The following FBXL4 variants were observed in gnomAD, a reference collection of about 807,000 sequenced individuals.
The protein encoded by FBXL4 is F-box/LRR-repeat protein 4.
A neutral mutation model predicts 58.9 loss-of-function variants in FBXL4; 40 were observed. The ratio of observed to expected loss-of-function variants is 0.68; its 90% CI spans 0.53 to 0.88. The LOEUF (loss-of-function observed/expected upper bound fraction) is 0.88. Among genes scored for constraint, FBXL4 ranks in the 40% least tolerant of loss-of-function variants. The pLI, the probability that FBXL4 is intolerant of heterozygous loss-of-function variation, is 0.00. For missense variants in FBXL4, 676 were observed against 734.4 expected (o/e 0.92, Z 0.92); for synonymous variants, 263 against 265.5 (o/e 0.99, Z 0.09).
At chr6:98,898,238 C>G in intron 7 of FBXL4, 24 of 960,304 alleles carry the variant, frequency 2.5e-5, no homozygotes, top group Non-Finnish European at 2.8e-5. Context: ...TGAGCTGGGA[C>G]CAGGTCAGAA....
chr6:98,922,366 T>C (rs941826298), intron 4 of FBXL4, among the ~76,000 whole-genome samples: 5 of 152,214 alleles, frequency 3.3e-5, no homozygotes, highest in African/African-American at 4.8e-5. Flanking sequence ...GGTTTTAAAT[T>C]TTAAATGTTC....
intron 4 of FBXL4, among the ~76,000 whole-genome samples, 175 bp from the exon 5 acceptor site, chr6:98,917,894 C>T (rs528722881): frequency 6.6e-6 from 1 of 152,270 alleles, no homozygotes; most frequent in African/African-American, 2.4e-5. Context: ...CCAAATGCCA[C>T]AGACCTTATT....
intron 6 of FBXL4, among the ~76,000 whole-genome samples, chr6:98,904,803 T>A (rs1419336886): frequency 6.6e-6 from 1 of 152,170 alleles, no homozygotes; most frequent in East Asian, 1.9e-4. Context: ...AAAATTACTA[T>A]GGCATTACTA....
chr6:98,941,077 C>G (rs1237735306), intron 1 of FBXL4, among the ~76,000 whole-genome samples: 1 of 152,136 alleles, frequency 6.6e-6, no homozygotes, highest in Non-Finnish European at 1.5e-5. Flanking sequence ...GGTATTTACT[C>G]AAGTGTACTG....
rs1772418077 is a variant in FBXL4, at chr6:98,917,651, C to T, written c.581G>A (p.Cys194Tyr). The T allele has an allele frequency of 6.2e-7, 1 of 1,613,852 alleles. No individual in the cohort carries two copies. Among genetic ancestry groups the T allele is most frequent in the East Asian group, 2.2e-5 (1 of 44,864 alleles). The change falls in exon 5 of 10, where the codon TGT (cysteine) becomes TAT (tyrosine). Residue 194 changes from cysteine to tyrosine, a missense_variant. Cys to Tyr is a radical substitution (Grantham distance 194). Transcript: ENST00000369244. ...NASQARQFKP[C>Y]IKQINFPTNL... is the part of the protein sequence containing the mutation. The stretch of plus-strand genomic sequence containing the variant: ...TGTGGGGAAATTTATCTGCTTAATA[C>T]AAGGTTTAAACTGGCGAGCTTGGGA...
At chr6:98,941,717 C>T (rs1773439236) in intron 1 of FBXL4, among the ~76,000 whole-genome samples, 1 of 152,150 alleles carries the variant, frequency 6.6e-6, no homozygotes, top group African/African-American at 2.4e-5. Context: ...ACATGAAATA[C>T]TTCAGACCAG....
In FBXL4 at chr6:98,870,746, A is replaced by G. The variant is rs1288365100; in HGVS notation, c.*3532T>C. The G allele has an allele frequency of 1.3e-5, 2 of 152,212 alleles. No individual in the cohort carries two copies. Among genetic ancestry groups the G allele is most frequent in the Admixed American group, 6.5e-5 (1 of 15,274 alleles). The allele number at this position is 152,212 out of a possible 1,614,324, so 9.4% of individuals were successfully genotyped here. On this transcript the variant is annotated 3_prime_UTR_variant, in exon 10 of 10. Transcript: ENST00000369244. The stretch of plus-strand genomic sequence containing the variant: ...TAAAAATCAGATTAGATGTCAGAGT[A>G]TGATGTTTAATATGCAATGTCATTA...
chr6:98,897,571 G>A (rs1771451551), intron 7 of FBXL4, among the ~76,000 whole-genome samples: 1 of 152,140 alleles, frequency 6.6e-6, no homozygotes, highest in Non-Finnish European at 1.5e-5. Flanking sequence ...AATTCATTCG[G>A]TGTTGCTATA....
chr6:98,897,985 T>A (rs1318015907), intron 7 of FBXL4, among the ~76,000 whole-genome samples: 1 of 152,346 alleles, frequency 6.6e-6, no homozygotes, highest in East Asian at 1.9e-4. Flanking sequence ...ACAAGGCTTC[T>A]ACCATTATAT....
At chr6:98,935,265 T>C (rs972498916) in intron 1 of FBXL4, among the ~76,000 whole-genome samples, 2 of 152,012 alleles carry the variant, frequency 1.3e-5, no homozygotes, top group Non-Finnish European at 2.9e-5. Flanking sequence ...AATCTTTTTT[T>C]TTTTTTTAAG....
chr6:98,939,717 T>C (rs1240247378), intron 1 of FBXL4, among the ~76,000 whole-genome samples: 2 of 152,256 alleles, frequency 1.3e-5, no homozygotes, highest in African/African-American at 4.8e-5. Context: ...CTACTTGGAA[T>C]CACTTCCGAC....
chr6:98,888,374 T>C (rs1449164324), intron 7 of FBXL4, among the ~76,000 whole-genome samples: 1 of 152,236 alleles, frequency 6.6e-6, no homozygotes, highest in East Asian at 1.9e-4. Flanking sequence ...CAGAAAAAGT[T>C]TGCCAATCTC....
chr6:98,902,140 G>A (rs1438826083), intron 6 of FBXL4, among the ~76,000 whole-genome samples: 4 of 151,994 alleles, frequency 2.6e-5, no homozygotes, highest in Admixed American at 6.6e-5. Context: ...CAAAATAAAA[G>A]GTAATAGTCC....
At chr6:98,926,004 T>C (rs1029925308) in intron 4 of FBXL4, among the ~76,000 whole-genome samples, 13 of 152,144 alleles carry the variant, frequency 8.5e-5, no homozygotes, top group South Asian at 4.1e-4. Context: ...TAAAGCAACA[T>C]TGATTTTTAA....
At chr6:98,890,853 A>C (rs550642713) in intron 7 of FBXL4, among the ~76,000 whole-genome samples, 1 of 152,262 alleles carries the variant, frequency 6.6e-6, no homozygotes, top group South Asian at 2.1e-4. Flanking sequence ...AGGGAGGCGG[A>C]GGTTGCAGGG....
intron 7 of FBXL4, among the ~76,000 whole-genome samples, chr6:98,895,001 T>C (rs1324715130): frequency 2.0e-5 from 3 of 152,216 alleles, no homozygotes; most frequent in South Asian, 2.1e-4. Context: ...TCCTGAGGTC[T>C]CATTCTTACT....
At chr6:98,926,386 T>C (rs1006671740) in intron 4 of FBXL4, 91 bp downstream of exon 4, 1 of 1,346,404 alleles carries the variant, frequency 7.4e-7, no homozygotes, top group Non-Finnish European at 1.0e-6. Context: ...TTAAGTTACT[T>C]AAAAGAATGC....
At chr6:98,944,552 T>C (rs1181490625) in intron 1 of FBXL4, among the ~76,000 whole-genome samples, 2 of 152,196 alleles carry the variant, frequency 1.3e-5, no homozygotes, top group African/African-American at 4.8e-5. Flanking sequence ...AATCATTTCA[T>C]CTTAGCAGGC....
chr6:98,878,086 A>G (rs1057313272), intron 8 of FBXL4, among the ~76,000 whole-genome samples: 1 of 152,198 alleles, frequency 6.6e-6, no homozygotes, highest in Non-Finnish European at 1.5e-5. Flanking sequence ...TATCTACATT[A>G]AACTCACTAC....
Sources: gnomAD v4.1 joint callset for allele counts (sites outside exome capture counted in the v4.1 genomes callset) on GRCh38, gnomAD v4.1.1 for gene constraint, MANE v1.5 for transcripts, NCBI Gene and HGNC (gene_info 2026-07-23, HGNC 2026-07-21) for gene names.